PDZD2: variants seen among roughly 807,000 people sequenced by gnomAD.
PDZD2 encodes the protein PDZ domain-containing protein 2.
In PDZD2, 90 loss-of-function variants were observed where a neutral mutation model predicts 220.7. That is an observed-to-expected ratio of 0.41 (90% CI 0.34 to 0.49). The LOEUF (loss-of-function observed/expected upper bound fraction) is 0.49. PDZD2 is among the 20% of genes least tolerant of loss of function. The probability of loss-of-function intolerance (pLI) is 0.28; values close to 1 mark genes in which losing one functional copy is unlikely to be tolerated. For missense variants in PDZD2, 3,174 were observed against 3,608.5 expected (o/e 0.88, Z 3.08); for synonymous variants, 1,375 against 1,450.5 (o/e 0.95, Z 1.18).
chr5:31,934,244 C>G (rs893661924), intron 2 of PDZD2, among the ~76,000 whole-genome samples: 3 of 152,140 alleles, frequency 2.0e-5, no homozygotes, highest in Non-Finnish European at 2.9e-5. Flanking sequence ...ACTTCCTTCT[C>G]CTTAGCTTGA....
In PDZD2 at chr5:32,057,722, C is replaced by G; in HGVS notation, c.1968C>G (p.Thr656=). ...KGLTFQEAIH[T]FKQIRSGLFV... ...TGACATTTCAAGAAGCCATTCATAC[C>G]TTTAAGGTAACAACATTCTTATTGA... Residue 656 remains threonine (T), a synonymous_variant, in exon 11 of 25, where the codon ACC becomes ACG. Coordinates refer to ENST00000438447, the MANE Select transcript of PDZD2 (RefSeq NM_178140.4). 1 of 1,572,826 alleles carries G rather than the reference C, an allele frequency of 6.4e-7. No homozygotes were observed. Among genetic ancestry groups the G allele is most frequent in the Non-Finnish European group, 8.7e-7 (1 of 1,144,240 alleles).
chr5:32,021,416 C>A (rs1754192818), intron 6 of PDZD2, among the ~76,000 whole-genome samples: 1 of 152,108 alleles, frequency 6.6e-6, no homozygotes, highest in Non-Finnish European at 1.5e-5. Flanking sequence ...CATGCCTCAG[C>A]CTCCCGAGTA....
At chr5:31,961,368 C>CAA (rs60867902) in intron 2 of PDZD2, among the ~76,000 whole-genome samples, 60,239 of 130,234 alleles carry the variant, frequency 0.46, 14,249 homozygotes, top group East Asian at 0.58. Flanking sequence ...TCCGTCTCTA[C>CAA]AAAAAAAAAA....
chr5:31,791,539 G>A (rs377563843), intron 1 of PDZD2, among the ~76,000 whole-genome samples: 4 of 133,906 alleles, frequency 3.0e-5, no homozygotes, highest in African/African-American at 8.6e-5. Flanking sequence ...ATGGTGAGCC[G>A]AGATCGTGCC....
intron 7 of PDZD2, among the ~76,000 whole-genome samples, chr5:32,047,366 C>T (rs1334157017): frequency 6.6e-6 from 1 of 152,126 alleles, no homozygotes; most frequent in African/African-American, 2.4e-5. Flanking sequence ...TGGACAGATG[C>T]TTGTAGTGTA....
intron 2 of PDZD2, among the ~76,000 whole-genome samples, 153 bp downstream of exon 2, chr5:31,799,877 C>T (rs1325194590): frequency 6.6e-6 from 1 of 152,140 alleles, no homozygotes; most frequent in Non-Finnish European, 1.5e-5. Context: ...TTCAACGCAG[C>T]ATCACATCTT....
At chr5:31,874,620 G>C (rs1739139552) in intron 2 of PDZD2, among the ~76,000 whole-genome samples, 1 of 151,984 alleles carries the variant, frequency 6.6e-6, no homozygotes, top group African/African-American at 2.4e-5. Flanking sequence ...AATTAGTCGG[G>C]TGTGGTGGCA....
intron 1 of PDZD2, among the ~76,000 whole-genome samples, chr5:31,641,162 G>T (rs1744934057): frequency 6.6e-6 from 1 of 152,180 alleles, no homozygotes; most frequent in South Asian, 2.1e-4. Flanking sequence ...TTAGATGAAA[G>T]ATGCTCCCTC....
intron 1 of PDZD2, among the ~76,000 whole-genome samples, chr5:31,689,353 A>ATTTTTTTTCTTT (rs1554063279): frequency 2.8e-5 from 1 of 35,122 alleles, no homozygotes; most frequent in Non-Finnish European, 4.2e-5. Context: ...ATATATATAT[A>ATTTTTTTTCTTT]TTTTTTTTTT....
intron 1 of PDZD2, among the ~76,000 whole-genome samples, chr5:31,740,558 A>AAAAAAC (rs1475550222): frequency 1.4e-5 from 2 of 141,578 alleles, no homozygotes; most frequent in Non-Finnish European, 1.5e-5. Context: ...AAAAAAAAAA[A>AAAAAAC]TCTGCTGTTG....
chr5:31,713,679 C>G (rs1748263368), intron 1 of PDZD2, among the ~76,000 whole-genome samples: 1 of 152,200 alleles, frequency 6.6e-6, no homozygotes, highest in African/African-American at 2.4e-5. Context: ...TCCTAAGTAG[C>G]TGGGACTACA....
intron 2 of PDZD2, among the ~76,000 whole-genome samples, chr5:31,813,449 CAA>C (rs60551914): frequency 0.09 from 8,320 of 92,214 alleles, 78 homozygotes; most frequent in Middle Eastern, 0.13. Context: ...GACTCCGTCT[CAA>C]AAAAAAAAAA....
intron 14 of PDZD2, among the ~76,000 whole-genome samples, chr5:32,068,669 A>G (rs760737148): frequency 1.3e-5 from 2 of 152,202 alleles, no homozygotes; most frequent in African/African-American, 2.4e-5. Flanking sequence ...TATGAAATCT[A>G]TGTTACACAG....
At chr5:32,063,770 G>A (rs376540106) in intron 14 of PDZD2, among the ~76,000 whole-genome samples, 5 of 152,198 alleles carry the variant, frequency 3.3e-5, no homozygotes, top group African/African-American at 4.8e-5. Context: ...AGGACATTAC[G>A]AACTACACAA....
chr5:31,725,188 A>T (rs1361091639), intron 1 of PDZD2, among the ~76,000 whole-genome samples: 4 of 152,022 alleles, frequency 2.6e-5, no homozygotes, highest in South Asian at 2.1e-4. Flanking sequence ...ACAAAAAAAA[A>T]TTAGCCAGGC....
At chr5:31,839,785 G>A (rs1327433264) in intron 2 of PDZD2, among the ~76,000 whole-genome samples, 1 of 152,122 alleles carries the variant, frequency 6.6e-6, no homozygotes, top group African/African-American at 2.4e-5. Flanking sequence ...GAATAATGGG[G>A]GCAGTTAACC....
At chr5:31,942,022 G>A (rs1418415455) in intron 2 of PDZD2, among the ~76,000 whole-genome samples, 1 of 152,192 alleles carries the variant, frequency 6.6e-6, no homozygotes, top group East Asian at 1.9e-4. Flanking sequence ...CAGTCTTGAA[G>A]CCAGGATCTC....
intron 3 of PDZD2, among the ~76,000 whole-genome samples, chr5:31,989,893 C>G (rs1751077489): frequency 6.6e-6 from 1 of 152,164 alleles, no homozygotes; most frequent in South Asian, 2.1e-4. Context: ...GAATACTAGT[C>G]CTGGGAGATG....
chr5:31,911,289 C>T (rs1286754809), intron 2 of PDZD2, among the ~76,000 whole-genome samples: 2 of 152,188 alleles, frequency 1.3e-5, no homozygotes, highest in Non-Finnish European at 2.9e-5. Context: ...AGGAAAGTAG[C>T]ATTGTTCTAG....
Sources: gnomAD v4.1 joint callset for allele counts (sites outside exome capture counted in the v4.1 genomes callset) on GRCh38, gnomAD v4.1.1 for gene constraint, MANE v1.5 for transcripts, NCBI Gene and HGNC (gene_info 2026-07-23, HGNC 2026-07-21) for gene names.